Variants in CBLN2 observed in about 807,000 individuals in gnomAD.
CBLN2 encodes the protein cerebellin-2.
CBLN2 carries 7 observed loss-of-function variants against 15.0 expected under a neutral mutation model. The ratio of observed to expected loss-of-function variants is 0.47; its 90% CI spans 0.27 to 0.88. The LOEUF is 0.88. Among genes scored for constraint, CBLN2 ranks in the 40% least tolerant of loss-of-function variants. CBLN2 has a pLI of 0.14. For synonymous variants in CBLN2, 149 were observed against 135.2 expected (o/e 1.10, Z -0.71); for missense variants, 242 against 304.5 (o/e 0.79, Z 1.53).
At chr18:72,544,368 A>G (rs953574561), upstream of CBLN2, 2 of 152,158 alleles carry the variant, frequency 1.3e-5, no homozygotes, top group African/African-American at 4.8e-5. Context: ...GCTTGCGCTT[A>G]TTTATTAAAT....
At position 72,568,771 on chromosome 18, in the gene CBLN2, G is replaced by A. The variant is rs576674704; in HGVS notation, c.16-29999C>T. ...ATGTTAGGTCCATGGCTTGAAATCA[G>A]CCATGGTAATATTTATACCACAAAA... On this transcript the variant is annotated intron_variant, in intron 1 of 2. Coordinates refer to the CBLN2 transcript ENST00000581073. Among the ~76,000 whole-genome samples, 10 of 152,192 alleles carry A rather than the reference G, an allele frequency of 6.6e-5. No individual in the cohort carries two copies. The East Asian group carries it at 1.5e-3, about 24-fold the overall frequency.
At chr18:72,615,259 ATGTATATATTATATATATATATAT>A (rs2069652582) in intron 1 of CBLN2, among the ~76,000 whole-genome samples, 1 of 123,180 alleles carries the variant, frequency 8.1e-6, no homozygotes, top group Non-Finnish European at 1.6e-5. Flanking sequence ...ATATTTATAT[ATGTATATATTATATATATATATAT>A]TTTTTTTTTG....
At chr18:72,636,592 G>C (rs1000693749) in intron 1 of CBLN2, among the ~76,000 whole-genome samples, 1 of 152,108 alleles carries the variant, frequency 6.6e-6, no homozygotes, top group Non-Finnish European at 1.5e-5. Flanking sequence ...GAAGTCTCCC[G>C]TTCCCCGTGG....
chr18:72,564,527 A>T (rs1473377389), intron 1 of CBLN2, among the ~76,000 whole-genome samples: 1 of 152,214 alleles, frequency 6.6e-6, no homozygotes, highest in Non-Finnish European at 1.5e-5. Context: ...CAATTAAATT[A>T]AAAAACATAC....
intron 1 of CBLN2, among the ~76,000 whole-genome samples, chr18:72,573,927 C>T (rs187516501): frequency 9.8e-4 from 149 of 152,282 alleles, no homozygotes; most frequent in African/African-American, 3.4e-3. Context: ...TCTTGTTGCA[C>T]CACATCCTTG....
chr18:72,623,751 C>T (rs376256056), intron 1 of CBLN2, among the ~76,000 whole-genome samples: 2 of 152,094 alleles, frequency 1.3e-5, no homozygotes, highest in Non-Finnish European at 2.9e-5. Context: ...ACAACATTAC[C>T]AAGGGCATCA....
intron 1 of CBLN2, chr18:72,618,901 A>G: frequency 1.4e-6 from 1 of 729,158 alleles, no homozygotes; most frequent in Non-Finnish European, 2.5e-6. Flanking sequence ...CTTTGGTGGG[A>G]ATGACAACTT....
intron 1 of CBLN2, among the ~76,000 whole-genome samples, chr18:72,627,572 C>G (rs2069748562): frequency 6.6e-6 from 1 of 152,138 alleles, no homozygotes; most frequent in African/African-American, 2.4e-5. Flanking sequence ...TCACCAAATC[C>G]CAGTAATTAT....
intron 1 of CBLN2, among the ~76,000 whole-genome samples, chr18:72,604,616 A>C (rs1016901571): frequency 2.1e-4 from 32 of 152,164 alleles, no homozygotes; most frequent in African/African-American, 7.5e-4. Context: ...GAATCATGAG[A>C]GCTCTTTCCT....
intron 1 of CBLN2, among the ~76,000 whole-genome samples, chr18:72,566,978 C>T (rs2069299262): frequency 6.6e-6 from 1 of 152,036 alleles, no homozygotes; most frequent in South Asian, 2.1e-4. Context: ...TGCTTGCCAC[C>T]CTGCCCCGCT....
chr18:72,596,062 C>T (rs1889607278), intron 1 of CBLN2, among the ~76,000 whole-genome samples: 1 of 151,988 alleles, frequency 6.6e-6, no homozygotes, highest in African/African-American at 2.4e-5. Context: ...CTTACCCCTG[C>T]CATTTTGTTA....
chr18:72,616,933 T>C (rs1241305440), intron 1 of CBLN2, among the ~76,000 whole-genome samples: 2 of 152,208 alleles, frequency 1.3e-5, no homozygotes, highest in Non-Finnish European at 2.9e-5. Flanking sequence ...TATTCCTAAA[T>C]GGTATTGTCG....
At chr18:72,635,321 A>G (rs568883894) in intron 1 of CBLN2, among the ~76,000 whole-genome samples, 18 of 152,310 alleles carry the variant, frequency 1.2e-4, no homozygotes, top group African/African-American at 4.3e-4. Flanking sequence ...GTTCAAAGTG[A>G]TGAATGCAAA....
intron 1 of CBLN2, among the ~76,000 whole-genome samples, chr18:72,589,667 G>C (rs1257591483): frequency 6.6e-6 from 1 of 152,176 alleles, no homozygotes; most frequent in African/African-American, 2.4e-5. Flanking sequence ...TTTAAGATAC[G>C]AGTTGACACA....
chr18:72,603,039 A>G (rs80141517), intron 1 of CBLN2, among the ~76,000 whole-genome samples: 1,922 of 152,340 alleles, frequency 0.013, 46 homozygotes, highest in African/African-American at 0.044. Flanking sequence ...AAACCAGCAT[A>G]TGAAAGCTGG....
At chr18:72,578,145 C>A (rs1230062992) in intron 1 of CBLN2, among the ~76,000 whole-genome samples, 2 of 152,134 alleles carry the variant, frequency 1.3e-5, no homozygotes, top group African/African-American at 4.8e-5. Context: ...TAGGGACAAG[C>A]ACCTGGTATA....
chr18:72,597,714 G>A lies in CBLN2; in HGVS notation c.15+40611C>T, dbSNP rs1279794296. Among the ~76,000 whole-genome samples the A allele has an allele frequency of 3.3e-5, 5 of 152,270 alleles. No homozygotes were observed. The East Asian group carries it at 9.7e-4, about 29-fold the overall frequency. On this transcript the variant is annotated intron_variant, in intron 1 of 2. Transcript: ENST00000581073. ...AATCAGAAACCTTTGGGATCTACCTGGTGTTCTATTCTACTGAGGCTGAGC... is the reference window on the plus strand; with the variant it reads ...AATCAGAAACCTTTGGGATCTACCTAGTGTTCTATTCTACTGAGGCTGAGC...
chr18:72,570,289 T>A (rs933332012), intron 1 of CBLN2, among the ~76,000 whole-genome samples: 1 of 151,732 alleles, frequency 6.6e-6, no homozygotes, highest in African/African-American at 2.4e-5. Context: ...CTGGTTTTTT[T>A]TTTTTTTTTT....
chr18:72,566,040 C>T (rs1417447901), intron 1 of CBLN2, among the ~76,000 whole-genome samples: 1 of 152,068 alleles, frequency 6.6e-6, no homozygotes, highest in Non-Finnish European at 1.5e-5. Flanking sequence ...AGAAGACATA[C>T]AAATGGTCCG....
Sources: allele counts gnomAD v4.1 joint callset (sites outside exome capture counted in the v4.1 genomes callset), GRCh38; gene constraint gnomAD v4.1.1; transcripts MANE v1.5; gene names NCBI Gene and HGNC (gene_info 2026-07-23, HGNC 2026-07-21).